The following TAF15 variants were observed in gnomAD, a reference collection of about 807,000 sequenced individuals.
TAF15 encodes TATA-box binding protein associated factor 15.
In TAF15, 37 loss-of-function variants were observed where a neutral mutation model predicts 102.5. The ratio of observed to expected loss-of-function variants is 0.36; its 90% CI spans 0.28 to 0.47. TAF15 has a LOEUF of 0.47. Ranked by LOEUF, TAF15 falls within the 20% of genes least tolerant of loss-of-function variation. The pLI is 0.99. For missense variants in TAF15, 652 were observed against 760.7 expected (o/e 0.86, Z 1.68); for synonymous variants, 273 against 259.2 (o/e 1.05, Z -0.51).
intron 12 of TAF15, among the ~76,000 whole-genome samples, chr17:35,842,797 A>G (rs2087563617): frequency 6.6e-6 from 1 of 151,464 alleles, no homozygotes; most frequent in Non-Finnish European, 1.5e-5. Flanking sequence ...GAGTGGCGTG[A>G]TCTCGGCTCA....
At chr17:35,836,922 C>T (rs918973237) in intron 10 of TAF15, among the ~76,000 whole-genome samples, 1 of 151,712 alleles carries the variant, frequency 6.6e-6, no homozygotes, top group Non-Finnish European at 1.5e-5. Context: ...GGACTACAGG[C>T]GCTACCACGC....
At chr17:35,821,229 A>G (rs1381151671) in intron 5 of TAF15, among the ~76,000 whole-genome samples, 2 of 152,202 alleles carry the variant, frequency 1.3e-5, no homozygotes, top group African/African-American at 4.8e-5. Flanking sequence ...GGTGAGGTCA[A>G]ATTATCACCC....
chr17:35,816,815 CTTTTTTTTTTT>C (rs1170506741), intron 1 of TAF15: 2 of 57,438 alleles, frequency 3.5e-5, no homozygotes, highest in Non-Finnish European at 6.4e-5. Context: ...CCCACCCCCA[CTTTTTTTTTTT>C]TTTTTTTTTT....
chr17:35,844,035 A>T (rs377677702), intron 12 of TAF15, 42 bp from the exon 13 acceptor site: 7 of 1,546,214 alleles, frequency 4.5e-6, no homozygotes, highest in Non-Finnish European at 6.3e-6. Context: ...TGTTTTGTTA[A>T]TATCTGCTGC....
At chr17:35,825,953 CAAA>C (rs5820126) in intron 7 of TAF15, among the ~76,000 whole-genome samples, 18 of 141,566 alleles carry the variant, frequency 1.3e-4, no homozygotes, top group Non-Finnish European at 2.5e-4. Context: ...GACTTCGTCT[CAAA>C]AAAAAAAACA....
In TAF15 at chr17:35,815,533, T is replaced by C. The variant is rs541055547; in HGVS notation, c.8-2183T>C. Among the ~76,000 whole-genome samples the C allele has an allele frequency of 6.2e-4, 95 of 152,300 alleles. 1 individual carries two copies. Among genetic ancestry groups the C allele is most frequent in the Middle Eastern group, 6.8e-3 (2 of 294 alleles). On this transcript the variant is annotated intron_variant, in intron 1 of 15. Transcript: ENST00000605844. ...AAGATTAAGGGCCTTACTGTTAGAT[T>C]TGAGATAGGGTTACAGGACCTATGT...
intron 10 of TAF15, among the ~76,000 whole-genome samples, chr17:35,837,465 CAG>C (rs1195189890): frequency 2.7e-5 from 4 of 150,918 alleles, no homozygotes; most frequent in Non-Finnish European, 4.4e-5. Flanking sequence ...CCTAAATTCA[CAG>C]AGTTTTGAAA....
At position 35,825,474 on chromosome 17, in the gene TAF15, T is replaced by C. The variant is rs28478313; in HGVS notation, c.605+1276T>C. Among the ~76,000 whole-genome samples, 753 of 152,334 alleles carry C rather than the reference T, an allele frequency of 4.9e-3. 6 individuals are homozygous for C. The highest frequency in any genetic ancestry group is 0.017 in the African/African-American group (714 of 41,572). On this transcript the variant is annotated intron_variant, in intron 7 of 15. Coordinates refer to ENST00000605844, the MANE Select transcript of TAF15 (RefSeq NM_139215.3). ...CAAGATAACCAACAGGTATATTTAA[T>C]TTACCAGTTAATATGTTTTGGATAA...
intron 11 of TAF15, among the ~76,000 whole-genome samples, chr17:35,839,153 C>T (rs2087510878): frequency 6.7e-6 from 1 of 149,160 alleles, no homozygotes; most frequent in South Asian, 2.1e-4. Flanking sequence ...TGGTGGTGTG[C>T]AGCTGTGGTC....
chr17:35,846,863 A>G, intron 15 of TAF15, 43 bp from the exon 16 acceptor site: 1 of 1,612,154 alleles, frequency 6.2e-7, no homozygotes, highest in South Asian at 1.1e-5. Flanking sequence ...CCCCCTTCGT[A>G]GAAAATTAGA....
Position 35,838,445 on chromosome 17 carries a change from C to G in TAF15, c.805C>G (p.Pro269Ala), listed in dbSNP as rs1304920146. 6.2e-7 allele frequency: 1 copy of G among 1,614,134 alleles called. No homozygotes were observed. The highest frequency in any genetic ancestry group is 1.7e-5 in the Admixed American group (1 of 60,022). The change falls in exon 11 of 16, where the codon CCA becomes GCA. Residue 269 changes from proline (P) to alanine (A), a missense_variant. Transcript: ENST00000605844. ...TCAGACAAATAAGAAGACCGGAAAA[C>G]CAATGATAAATCTTTATACAGACAA... ...IIKTNKKTGK[P>A]MINLYTDKDT...
chr17:35,838,344 A>C, intron 10 of TAF15, 80 bp from the exon 11 acceptor site: 1 of 1,584,524 alleles, frequency 6.3e-7, no homozygotes, highest in South Asian at 1.1e-5. Flanking sequence ...TTGTAAAAAA[A>C]ATAAATCTTT....
intron 9 of TAF15, among the ~76,000 whole-genome samples, chr17:35,835,362 G>A (rs1377520647): frequency 1.3e-5 from 2 of 152,232 alleles, no homozygotes; most frequent in East Asian, 3.9e-4. Flanking sequence ...GTCTTATTTT[G>A]GGTAGAGGTC....
intron 1 of TAF15, chr17:35,811,068 C>CATCT (rs2087119103): frequency 6.6e-6 from 1 of 152,202 alleles, no homozygotes; most frequent in African/African-American, 2.4e-5. Flanking sequence ...AAGAGTGTAT[C>CATCT]ATCTACCCGT....
intron 7 of TAF15, among the ~76,000 whole-genome samples, chr17:35,825,764 C>CA (rs1380213797): frequency 6.6e-6 from 1 of 151,972 alleles, no homozygotes; most frequent in Non-Finnish European, 1.5e-5. Context: ...CTGGCCAACA[C>CA]AGTGAAACCC....
chr17:35,817,088 C>T (rs2087204847), intron 1 of TAF15: 1 of 152,298 alleles, frequency 6.6e-6, no homozygotes, highest in African/African-American at 2.4e-5. Flanking sequence ...TTGTGTGAGC[C>T]ACCATGCCCG....
At position 35,842,350 on chromosome 17, in the gene TAF15, G is replaced by A; in HGVS notation, c.914-17G>A. On this transcript the variant is annotated splice_polypyrimidine_tract_variant and intron_variant, in intron 11 of 15. Coordinates refer to ENST00000605844, the MANE Select transcript of TAF15 (RefSeq NM_139215.3). ...TATAGAGTAGCATTGCTTCAAAGCT[G>A]ATTTCTTTTTTCTTAGGAAAAGAAT... 1.2e-6 allele frequency: 2 copies of A among 1,602,884 alleles called. No individual in the cohort carries two copies. Among genetic ancestry groups the A allele is most frequent in the Middle Eastern group, 1.7e-4 (1 of 6,004 alleles).
At chr17:35,840,863 CA>C (rs557249173) in intron 11 of TAF15, among the ~76,000 whole-genome samples, 69 of 145,938 alleles carry the variant, frequency 4.7e-4, no homozygotes, top group Admixed American at 8.2e-4. Context: ...AAGACTCCGT[CA>C]AAAAAAAAAA....
At chr17:35,819,943 G>A in intron 2 of TAF15, 81 bp from the exon 3 acceptor site, 1 of 1,263,896 alleles carries the variant, frequency 7.9e-7, no homozygotes. Flanking sequence ...TGAGTTGAAA[G>A]TTGAAAATGA....
Sources: allele counts gnomAD v4.1 joint callset (sites outside exome capture counted in the v4.1 genomes callset), GRCh38; gene constraint gnomAD v4.1.1; transcripts MANE v1.5; gene names NCBI Gene and HGNC (gene_info 2026-07-23, HGNC 2026-07-21).